CEP70: variants seen among roughly 807,000 people sequenced by gnomAD.
The protein encoded by CEP70 is centrosomal protein 70.
Under a neutral mutation model 90.9 loss-of-function variants are expected in CEP70, and 70 were observed. That is an observed-to-expected ratio of 0.77 (90% confidence interval 0.64 to 0.94). The LOEUF is 0.94. CEP70 is among the 40% of genes least tolerant of loss of function. The probability of loss-of-function intolerance (pLI) is 0.00; values close to 1 mark genes in which losing one functional copy is unlikely to be tolerated. For synonymous variants in CEP70, 220 were observed against 228.3 expected, an observed-to-expected ratio of 0.96 and a Z score of 0.33; for missense variants, 648 against 669.0, an observed-to-expected ratio of 0.97 and a Z score of 0.35.
intron 2 of CEP70, among the ~76,000 whole-genome samples, chr3:138,580,220 A>G (rs1488844621): frequency 1.3e-5 from 2 of 152,100 alleles, no homozygotes; most frequent in East Asian, 3.9e-4. Context: ...GTTTCCAAGG[A>G]TTCTGATTCC....
chr3:138,547,682 G>T (rs1403565856), intron 6 of CEP70, among the ~76,000 whole-genome samples: 4 of 152,006 alleles, frequency 2.6e-5, no homozygotes, highest in African/African-American at 4.8e-5. Flanking sequence ...TAAAATAAGG[G>T]TTACCTGAAA....
intron 16 of CEP70, among the ~76,000 whole-genome samples, chr3:138,498,372 C>T (rs1167401075): frequency 2.8e-5 from 4 of 143,236 alleles, no homozygotes; most frequent in African/African-American, 1.0e-4. Flanking sequence ...GAGTCTTGCT[C>T]TGTCACCCAG....
At chr3:138,531,264 C>T (rs2037786565) in intron 8 of CEP70, among the ~76,000 whole-genome samples, 1 of 152,094 alleles carries the variant, frequency 6.6e-6, no homozygotes, top group Admixed American at 6.6e-5. Context: ...TCAGAGAACC[C>T]CGTTTGCAGA....
At chr3:138,549,097 A>T (rs1006635911) in intron 6 of CEP70, among the ~76,000 whole-genome samples, 6 of 152,060 alleles carry the variant, frequency 3.9e-5, no homozygotes, top group African/African-American at 1.4e-4. Context: ...CTTGTCTCAC[A>T]GGGGTCCTTT....
chr3:138,543,408 G>A (rs1374715004), intron 6 of CEP70, among the ~76,000 whole-genome samples: 4 of 152,178 alleles, frequency 2.6e-5, no homozygotes, highest in Non-Finnish European at 5.9e-5. Context: ...CAGCACCCGT[G>A]CTCAGCCACA....
At chr3:138,507,963 T>C (rs2035143299) in intron 12 of CEP70, among the ~76,000 whole-genome samples, 1 of 152,088 alleles carries the variant, frequency 6.6e-6, no homozygotes, top group Non-Finnish European at 1.5e-5. Flanking sequence ...AACTACCAGG[T>C]TTAACTGCTC....
intron 11 of CEP70, among the ~76,000 whole-genome samples, chr3:138,514,772 G>C (rs2035853076): frequency 6.6e-6 from 1 of 151,664 alleles, no homozygotes; most frequent in Admixed American, 6.6e-5. Context: ...CTAACTGTAT[G>C]GTAGCTAAGA....
At chr3:138,582,855 T>C (rs926341152) in intron 2 of CEP70, among the ~76,000 whole-genome samples, 2 of 151,706 alleles carry the variant, frequency 1.3e-5, no homozygotes, top group African/African-American at 2.4e-5. Context: ...AAACATACAA[T>C]GGATACACAA....
At chr3:138,495,641 C>T (rs2033906690) in intron 17 of CEP70, among the ~76,000 whole-genome samples, 1 of 152,114 alleles carries the variant, frequency 6.6e-6, no homozygotes, top group African/African-American at 2.4e-5. Flanking sequence ...CATCTGAGGT[C>T]AGGAGTTTAA....
Position 138,495,091 on chromosome 3 carries a change from CAG to C in CEP70, c.1733-17_1733-16del. On this transcript the variant is annotated splice_polypyrimidine_tract_variant and intron_variant, in intron 17 of 17. Transcript: ENST00000264982. Reference sequence around the variant, plus strand: ...GTCATCAATTTCTGTAATACAAAAACAGTAATAATAAAAGAGAGTAACTTTTT... The same window carrying C: ...GTCATCAATTTCTGTAATACAAAAACTAATAATAAAAGAGAGTAACTTTTT... 6.7e-7 allele frequency: 1 copy of C among 1,495,350 alleles called. No homozygotes were observed. 92.6% of individuals were successfully genotyped at this position (1,495,350 alleles called of 1,614,324 possible).
At chr3:138,585,939 T>C (rs189488596) in intron 2 of CEP70, among the ~76,000 whole-genome samples, 3 of 152,222 alleles carry the variant, frequency 2.0e-5, no homozygotes, top group Non-Finnish European at 4.4e-5. Flanking sequence ...TACAAAAAAA[T>C]TGGGGAAACT....
At chr3:138,593,629 ACTC>A (rs1311731444) in intron 1 of CEP70, 1 of 151,192 alleles carries the variant, frequency 6.6e-6, no homozygotes, top group Non-Finnish European at 1.5e-5. Flanking sequence ...ACCTTGAAAA[ACTC>A]CTATTAGGCC....
At chr3:138,588,632 C>T (rs1208333121) in intron 2 of CEP70, among the ~76,000 whole-genome samples, 1 of 152,172 alleles carries the variant, frequency 6.6e-6, no homozygotes, top group Non-Finnish European at 1.5e-5. Flanking sequence ...ATACTGCCGA[C>T]GGGAATTTAA....
chr3:138,571,231 T>G (rs2041153677), intron 4 of CEP70, 35 bp downstream of exon 4: 1 of 1,571,710 alleles, frequency 6.4e-7, no homozygotes, highest in South Asian at 1.2e-5. Context: ...AAAATAAACT[T>G]TTTACCTTAA....
intron 8 of CEP70, among the ~76,000 whole-genome samples, chr3:138,529,762 A>G (rs1458122015): frequency 6.6e-6 from 1 of 152,176 alleles, no homozygotes; most frequent in Non-Finnish European, 1.5e-5. Context: ...GGAGGTGAAA[A>G]AGCACTGCTG....
chr3:138,497,920 G>T, intron 17 of CEP70, 111 bp downstream of exon 17: 2 of 1,521,686 alleles, frequency 1.3e-6, no homozygotes, highest in Non-Finnish European at 1.8e-6. Flanking sequence ...ACTGTTAGTG[G>T]TTTCCAACCA....
intron 12 of CEP70, among the ~76,000 whole-genome samples, chr3:138,506,912 A>T (rs1319343777): frequency 4.0e-5 from 6 of 148,304 alleles, no homozygotes; most frequent in East Asian, 2.0e-4. Flanking sequence ...AGCTAATTAA[A>T]TTTTTTTTTT....
intron 11 of CEP70, among the ~76,000 whole-genome samples, chr3:138,517,722 AG>A (rs2036172702): frequency 1.3e-5 from 2 of 152,228 alleles, no homozygotes; most frequent in African/African-American, 4.8e-5. Flanking sequence ...ATGGCCAAAT[AG>A]GAACAGCTCC....
chr3:138,571,506 CATTT>C (rs1375022601), intron 3 of CEP70, 150 bp from the exon 4 acceptor site: 2 of 607,810 alleles, frequency 3.3e-6, no homozygotes, highest in African/African-American at 3.7e-5. Flanking sequence ...CCAAAAAACA[CATTT>C]ATTGTTTCTA....
Sources: gnomAD v4.1 joint callset for allele counts (sites outside exome capture counted in the v4.1 genomes callset) on GRCh38, gnomAD v4.1.1 for gene constraint, MANE v1.5 for transcripts, NCBI Gene and HGNC (gene_info 2026-07-23, HGNC 2026-07-21) for gene names.